The following CFAP54 variants were observed in gnomAD, a reference collection of about 807,000 sequenced individuals.
CFAP54 encodes cilia- and flagella-associated protein 54.
A neutral mutation model predicts 370.4 loss-of-function variants in CFAP54; 290 were observed. That is an observed-to-expected ratio of 0.78 (90% CI 0.71 to 0.86). The LOEUF is 0.86. Among genes scored for constraint, CFAP54 ranks in the 40% least tolerant of loss-of-function variants. The pLI is 0.00. For synonymous variants in CFAP54, 1,206 were observed against 1,236.5 expected (o/e 0.98, Z 0.52); for missense variants, 3,399 against 3,528.7 (o/e 0.96, Z 0.93).
intron 55 of CFAP54, among the ~76,000 whole-genome samples, chr12:96,744,597 G>T (rs1035768613): frequency 6.6e-6 from 1 of 152,060 alleles, no homozygotes; most frequent in South Asian, 2.1e-4. Context: ...TGTGTTAAAT[G>T]CATTATGTAT....
chr12:96,509,093 C>G (rs1052389679), intron 4 of CFAP54, among the ~76,000 whole-genome samples: 2 of 152,104 alleles, frequency 1.3e-5, no homozygotes, highest in African/African-American at 4.8e-5. Context: ...GGACAGTAGA[C>G]AAAAACCACA....
chr12:96,526,044 G>A (rs1461200561), intron 8 of CFAP54, among the ~76,000 whole-genome samples: 1 of 152,206 alleles, frequency 6.6e-6, no homozygotes. Context: ...ACAAGCTTAT[G>A]AGTAGGGAAG....
chr12:96,656,325 G>T (rs560424672), intron 36 of CFAP54, among the ~76,000 whole-genome samples: 10 of 151,548 alleles, frequency 6.6e-5, no homozygotes, highest in Admixed American at 2.6e-4. Context: ...TTTTGGATTG[G>T]GATCAACTGA....
At chr12:96,857,499 A>G (rs1305401758) in intron 66 of CFAP54, among the ~76,000 whole-genome samples, 2 of 152,186 alleles carry the variant, frequency 1.3e-5, no homozygotes, top group Non-Finnish European at 2.9e-5. Context: ...ATAGTATTCC[A>G]TGGCGTATAT....
chr12:96,811,379 A>G (rs1195674381), intron 63 of CFAP54, among the ~76,000 whole-genome samples: 1 of 152,186 alleles, frequency 6.6e-6, no homozygotes, highest in Admixed American at 6.5e-5. Flanking sequence ...CACTTATGGG[A>G]ACGGTACACA....
At chr12:96,756,743 G>C (rs1373625743) in intron 57 of CFAP54, among the ~76,000 whole-genome samples, 180 bp downstream of exon 57, 2 of 152,154 alleles carry the variant, frequency 1.3e-5, no homozygotes, top group Non-Finnish European at 2.9e-5. Context: ...TTAAAGTAAT[G>C]GTAAATGATG....
intron 26 of CFAP54, among the ~76,000 whole-genome samples, chr12:96,610,142 T>A (rs1406593684): frequency 1.3e-5 from 2 of 152,238 alleles, no homozygotes; most frequent in Admixed American, 1.3e-4. Context: ...AGTCCAGGAA[T>A]GGCCCCTAAG....
intron 67 of CFAP54, among the ~76,000 whole-genome samples, chr12:96,869,933 C>CAA (rs760992300): frequency 3.3e-4 from 12 of 36,826 alleles, no homozygotes; most frequent in African/African-American, 8.6e-4. Context: ...AAAACTCCGT[C>CAA]AAAAAAAAAA....
chr12:96,648,574 A>C (rs1230759247), intron 34 of CFAP54, among the ~76,000 whole-genome samples: 1 of 141,134 alleles, frequency 7.1e-6, no homozygotes, highest in African/African-American at 2.6e-5. Context: ...GCAGGTAAAC[A>C]GGGTTCTTTT....
chr12:96,872,526 T>A (rs1254560379), intron 67 of CFAP54, among the ~76,000 whole-genome samples: 1 of 152,178 alleles, frequency 6.6e-6, no homozygotes, highest in Non-Finnish European at 1.5e-5. Flanking sequence ...TAAGGTATAT[T>A]TCAAAAATGG....
chr12:96,674,306 G>T (rs1318449694), intron 39 of CFAP54, among the ~76,000 whole-genome samples: 2 of 150,912 alleles, frequency 1.3e-5, no homozygotes, highest in Non-Finnish European at 2.9e-5. Flanking sequence ...TTCATTTCTA[G>T]AGTGGTACAA....
intron 65 of CFAP54, 25 bp downstream of exon 65, chr12:96,817,938 G>A: frequency 1.4e-6 from 2 of 1,417,330 alleles, no homozygotes; most frequent in Non-Finnish European, 9.3e-7. Flanking sequence ...AATGGAAAAT[G>A]ACATTGCTAT....
intron 66 of CFAP54, among the ~76,000 whole-genome samples, chr12:96,838,404 C>G (rs1350347327): frequency 2.0e-5 from 3 of 152,020 alleles, no homozygotes; most frequent in African/African-American, 7.2e-5. Flanking sequence ...CATTTTGATA[C>G]TGCTATAAAG....
intron 4 of CFAP54, among the ~76,000 whole-genome samples, chr12:96,512,008 C>G (rs1392349164): frequency 7.9e-5 from 12 of 152,060 alleles, no homozygotes. Flanking sequence ...AACCCTCCCT[C>G]CAGCCTTCTA....
intron 66 of CFAP54, among the ~76,000 whole-genome samples, chr12:96,829,582 T>G (rs1959164479): frequency 6.6e-6 from 1 of 152,114 alleles, no homozygotes; most frequent in African/African-American, 2.4e-5. Context: ...GCTAGATCTT[T>G]ATTGATGGGT....
chr12:96,539,064 G>GTTTTTTTTTTTTT lies in CFAP54; in HGVS notation c.1926+547_1926+559dup, dbSNP rs1314197505. ...GAGCCACCACGCCCGGCCTTTTCAG[G>GTTTTTTTTTTTTT]TTTTTTTTTTTTTGTTTTTGTTTTT... On this transcript the variant is annotated intron_variant, in intron 13 of 67. Coordinates refer to ENST00000524981, the MANE Select transcript of CFAP54 (RefSeq NM_001306084.2). Among the ~76,000 whole-genome samples the GTTTTTTTTTTTTT allele has an allele frequency of 1.0e-3, 116 of 111,754 alleles. 10 individuals carry two copies. The highest frequency in any genetic ancestry group is 1.2e-3 in the Non-Finnish European group (68 of 55,856). The allele number at this position is 111,754 out of a possible 152,430, so 73.3% of individuals were successfully genotyped here.
chr12:96,819,673 A>C (rs572362539), intron 65 of CFAP54, among the ~76,000 whole-genome samples: 2 of 152,212 alleles, frequency 1.3e-5, no homozygotes, highest in Admixed American at 6.5e-5. Context: ...AGTGTACTAT[A>C]GTTATTTTCC....
chr12:96,783,276 A>G lies in CFAP54; in HGVS notation c.8282-1441A>G, dbSNP rs190353084. On this transcript the variant is annotated intron_variant, in intron 60 of 67. Coordinates refer to ENST00000524981, the MANE Select transcript of CFAP54 (RefSeq NM_001306084.2). The stretch of plus-strand genomic sequence containing the variant: ...GTGAAATGGAATTAGAGAGCGGCTT[A>G]TAAGATACTCCCAAAGTACTGGGAA... 1.6e-3 allele frequency among the ~76,000 whole-genome samples: 248 copies of G among 152,344 alleles called. 7 individuals carry two copies. In the East Asian group the frequency reaches 0.044, roughly 27 times the overall value.
chr12:96,783,437 T>C (rs979280293), intron 60 of CFAP54, among the ~76,000 whole-genome samples: 19 of 152,248 alleles, frequency 1.2e-4, no homozygotes, highest in South Asian at 2.1e-4. Context: ...TCAAATGTTA[T>C]TTATGTGCAT....
Sources: gnomAD v4.1 joint callset for allele counts (sites outside exome capture counted in the v4.1 genomes callset) on GRCh38, gnomAD v4.1.1 for gene constraint, MANE v1.5 for transcripts, NCBI Gene and HGNC (gene_info 2026-07-23, HGNC 2026-07-21) for gene names.